ENTHD1: variants seen among roughly 807,000 people sequenced by gnomAD.
ENTHD1 encodes ENTH domain-containing protein 1.
A neutral mutation model predicts 39.1 loss-of-function variants in ENTHD1; 23 were observed. The observed-to-expected ratio is 0.59, with a 90% CI of 0.42 to 0.83. The LOEUF is 0.83. Ranked by LOEUF, ENTHD1 falls within the 40% of genes least tolerant of loss-of-function variation. ENTHD1 has a pLI of 0.00. For synonymous variants in ENTHD1, 230 were observed against 258.2 expected, an observed-to-expected ratio of 0.89 and a Z score of 1.05; for missense variants, 624 against 705.4, an observed-to-expected ratio of 0.88 and a Z score of 1.31.
intron 6 of ENTHD1, among the ~76,000 whole-genome samples, chr22:39,762,469 T>A (rs922591744): frequency 6.6e-6 from 1 of 151,976 alleles, no homozygotes; most frequent in Non-Finnish European, 1.5e-5. Context: ...TCTCACTGTG[T>A]CACCCAGGCT....
At chr22:39,818,419 G>A (rs150352128) in intron 5 of ENTHD1, among the ~76,000 whole-genome samples, 2,188 of 152,264 alleles carry the variant, frequency 0.014, 77 homozygotes, top group Admixed American at 0.084. Context: ...ATTATGCCAC[G>A]AAGTTTCAGG....
intron 5 of ENTHD1, among the ~76,000 whole-genome samples, chr22:39,794,347 GTT>G (rs917265567): frequency 6.6e-6 from 1 of 152,094 alleles, no homozygotes; most frequent in Admixed American, 6.5e-5. Context: ...AGATCTAAGA[GTT>G]TTTTTGGTAG....
chr22:39,866,187 C>T (rs374055357), intron 2 of ENTHD1, among the ~76,000 whole-genome samples: 1 of 152,088 alleles, frequency 6.6e-6, no homozygotes, highest in African/African-American at 2.4e-5. Context: ...AAGTAGACAG[C>T]CAACTTGAGG....
intron 5 of ENTHD1, among the ~76,000 whole-genome samples, chr22:39,794,419 T>C (rs140827447): frequency 1.9e-3 from 288 of 152,336 alleles, no homozygotes; most frequent in Middle Eastern, 6.8e-3. Context: ...CAATTTTACT[T>C]CTTTTCCAAT....
intron 5 of ENTHD1, among the ~76,000 whole-genome samples, chr22:39,772,050 A>G (rs371570276): frequency 2.0e-5 from 3 of 152,214 alleles, no homozygotes; most frequent in African/African-American, 7.2e-5. Flanking sequence ...AGTTTAAACG[A>G]CTATAGCAGC....
chr22:39,851,307 T>G (rs1198616369), intron 3 of ENTHD1, among the ~76,000 whole-genome samples: 2 of 152,190 alleles, frequency 1.3e-5, no homozygotes, highest in Non-Finnish European at 2.9e-5. Context: ...CTAAATACAT[T>G]TTTTTAGTTC....
intron 6 of ENTHD1, among the ~76,000 whole-genome samples, chr22:39,755,523 T>C (rs2065178386): frequency 1.3e-5 from 2 of 152,192 alleles, no homozygotes; most frequent in African/African-American, 4.8e-5. Context: ...TCCAGCTGCT[T>C]GATGGAGAAC....
intron 4 of ENTHD1, among the ~76,000 whole-genome samples, chr22:39,832,895 A>C (rs2065880783): frequency 6.6e-6 from 1 of 151,874 alleles, no homozygotes; most frequent in Non-Finnish European, 1.5e-5. Flanking sequence ...TCATAATGAC[A>C]CTCCATTTGC....
rs770008485 is a variant in ENTHD1 at position 39,765,586 on chromosome 22, T to C, written c.856A>G (p.Asn286Asp). The C allele has an allele frequency of 3.1e-6, 5 of 1,612,598 alleles. No homozygotes were observed. Among genetic ancestry groups the C allele is most frequent in the Non-Finnish European group, 4.2e-6 (5 of 1,179,324 alleles). ...GADAVPTLSENSPSGQRDVSL... is the reference protein window; with the variant it reads ...GADAVPTLSEDSPSGQRDVSL... Reference sequence around the variant, plus strand: ...ACATCTCTCTGCCCAGAAGGACTATTTTCTGAGAGAGTAGGCACAGCATCT... The same window carrying C: ...ACATCTCTCTGCCCAGAAGGACTATCTTCTGAGAGAGTAGGCACAGCATCT... The change falls in exon 6 of 7, where the codon AAT becomes GAT. Residue 286 changes from asparagine to aspartate, a missense_variant. Coordinates refer to ENST00000325157, the MANE Select transcript of ENTHD1 (RefSeq NM_152512.4).
chr22:39,784,328 A>G (rs1758952226), intron 5 of ENTHD1, among the ~76,000 whole-genome samples: 3 of 152,108 alleles, frequency 2.0e-5, no homozygotes, highest in Non-Finnish European at 4.4e-5. Flanking sequence ...CACTATGGAG[A>G]ACAGTATGGA....
intron 6 of ENTHD1, among the ~76,000 whole-genome samples, chr22:39,758,569 C>G (rs528862063): frequency 6.6e-6 from 1 of 152,006 alleles, no homozygotes; most frequent in Non-Finnish European, 1.5e-5. Flanking sequence ...GGATTACAGG[C>G]GCATGCCACC....
At chr22:39,771,118 A>T (rs1307978395) in intron 5 of ENTHD1, among the ~76,000 whole-genome samples, 1 of 152,094 alleles carries the variant, frequency 6.6e-6, no homozygotes, top group African/African-American at 2.4e-5. Context: ...TTAATACTTA[A>T]TGTTTTTGTA....
At chr22:39,755,216 T>C (rs1056283182) in intron 6 of ENTHD1, among the ~76,000 whole-genome samples, 1 of 152,170 alleles carries the variant, frequency 6.6e-6, no homozygotes, top group African/African-American at 2.4e-5. Context: ...AGGATAATTA[T>C]AGGGTACTAA....
intron 2 of ENTHD1, among the ~76,000 whole-genome samples, chr22:39,880,503 C>T (rs746344267): frequency 9.9e-5 from 15 of 152,156 alleles, no homozygotes; most frequent in South Asian, 2.1e-4. Context: ...CATAACTGTA[C>T]GTTCATCGAT....
At chr22:39,859,501 C>A (rs1298276099) in intron 3 of ENTHD1, among the ~76,000 whole-genome samples, 1 of 152,146 alleles carries the variant, frequency 6.6e-6, no homozygotes, top group Non-Finnish European at 1.5e-5. Flanking sequence ...TACACTTGAA[C>A]ACTTAGAGGC....
Position 39,887,403 on chromosome 22 carries a change from G to T in ENTHD1, c.346C>A (p.Gln116Lys). The T allele has an allele frequency of 6.2e-7, 1 of 1,603,174 alleles. No homozygotes were observed. Among genetic ancestry groups the T allele is most frequent in the Non-Finnish European group, 8.5e-7 (1 of 1,174,846 alleles). ...FQHIDEAGKD[Q>K]GYYIREKSKQ... ...TATAAACTTCTTTAACCATTACCTT[G>T]GTCTTTTCCAGCTTCATCTATGTGC... The change falls in exon 2 of 7, where the codon CAA (glutamine) becomes AAA (lysine). Residue 116 changes from glutamine to lysine, a missense_variant. Gln to Lys is a moderately conservative substitution (Grantham distance 53, BLOSUM62 1). Transcript: ENST00000325157.
chr22:39,875,875 G>A (rs1601662432), intron 2 of ENTHD1: 2 of 1,613,962 alleles, frequency 1.2e-6, no homozygotes, highest in Non-Finnish European at 1.7e-6. Context: ...TATCACAGTT[G>A]AGGGACCCAC....
At chr22:39,760,146 G>A (rs2065220559) in intron 6 of ENTHD1, among the ~76,000 whole-genome samples, 2 of 151,602 alleles carry the variant, frequency 1.3e-5, no homozygotes, top group South Asian at 4.2e-4. Flanking sequence ...TTTGAAGTAG[G>A]GTAATGTTTT....
At chr22:39,853,714 T>C (rs2066062775) in intron 3 of ENTHD1, among the ~76,000 whole-genome samples, 1 of 152,036 alleles carries the variant, frequency 6.6e-6, no homozygotes, top group Admixed American at 6.6e-5. Flanking sequence ...GCTAGGACTA[T>C]AGGCAACTGC....
Sources: allele counts gnomAD v4.1 joint callset (sites outside exome capture counted in the v4.1 genomes callset), GRCh38; gene constraint gnomAD v4.1.1; transcripts MANE v1.5; gene names NCBI Gene and HGNC (gene_info 2026-07-23, HGNC 2026-07-21).